MLF1: variants seen among roughly 807,000 people sequenced by gnomAD.
The protein encoded by MLF1 is myelodysplasia-myeloid leukemia factor 1.
A neutral mutation model predicts 38.3 loss-of-function variants in MLF1; 37 were observed. That is an observed-to-expected ratio of 0.96 (90% CI 0.74 to 1.27). MLF1 has a LOEUF of 1.27. Ranked by LOEUF, MLF1 falls within the 50% of genes most tolerant of loss-of-function variation. MLF1 has a pLI of 0.00. For missense variants in MLF1, 331 were observed against 349.2 expected, an observed-to-expected ratio of 0.95 and a Z score of 0.42; for synonymous variants, 95 against 106.5, an observed-to-expected ratio of 0.89 and a Z score of 0.66.
At chr3:158,587,639 AAT>A (rs1717433303) in intron 1 of MLF1, among the ~76,000 whole-genome samples, 1 of 152,230 alleles carries the variant, frequency 6.6e-6, no homozygotes, top group South Asian at 2.1e-4. Flanking sequence ...GAGACTTACT[AAT>A]TTGTTTCTAA....
At chr3:158,585,484 T>G (rs924157967) in intron 1 of MLF1, among the ~76,000 whole-genome samples, 1 of 152,212 alleles carries the variant, frequency 6.6e-6, no homozygotes, top group Non-Finnish European at 1.5e-5. Context: ...TTACCCAGCC[T>G]CAGGTATTCC....
At chr3:158,600,410 A>C (rs938308138) in intron 6 of MLF1, among the ~76,000 whole-genome samples, 3 of 129,434 alleles carry the variant, frequency 2.3e-5, no homozygotes, top group Non-Finnish European at 4.9e-5. Flanking sequence ...GGAAAGTGGA[A>C]TCTTTTGAAT....
intron 1 of MLF1, 92 bp from the exon 2 acceptor site, chr3:158,592,342 T>C: frequency 8.9e-7 from 1 of 1,117,406 alleles, no homozygotes; most frequent in Non-Finnish European, 1.2e-6. Flanking sequence ...ACAAACATAT[T>C]AGCCCAAAAT....
At chr3:158,584,726 C>A (rs1050349774) in intron 1 of MLF1, among the ~76,000 whole-genome samples, 1 of 150,706 alleles carries the variant, frequency 6.6e-6, no homozygotes, top group Admixed American at 6.6e-5. Flanking sequence ...TATACCCCCC[C>A]CTACCAATAG....
chr3:158,593,380 A>G lies in MLF1; in HGVS notation c.196-2A>G. The G allele has an allele frequency of 6.5e-7, 1 of 1,549,282 alleles. No homozygotes were observed. The highest frequency in any genetic ancestry group is 8.7e-7 in the Non-Finnish European group (1 of 1,153,090). On this transcript the variant is annotated splice_acceptor_variant, in intron 2 of 7. Transcript: ENST00000466246. LOFTEE classifies it high-confidence loss of function. ...CAAATGAATTGGATATTATTTTTCC[A>G]GGCAACGAGTTGTTCTCTTGTGCCT...
At chr3:158,577,577 T>G (rs1206358316) in intron 1 of MLF1, among the ~76,000 whole-genome samples, 1 of 152,332 alleles carries the variant, frequency 6.6e-6, no homozygotes, top group East Asian at 1.9e-4. Flanking sequence ...TATTTTAATA[T>G]ATAAATTTCT....
At position 158,605,725 on chromosome 3, in the gene MLF1, A is replaced by G. The variant is rs1720425805; in HGVS notation, c.*523A>G. ...AGCAAAACTACACTAGTACTCTTTT[A>G]TGAGAAAATAGTTACTATTTTGATA... is the stretch of plus-strand genomic sequence containing the variant. On this transcript the variant is annotated 3_prime_UTR_variant, in exon 8 of 8. Coordinates refer to ENST00000466246, the MANE Select transcript of MLF1 (RefSeq NM_001369783.1). The G allele has an allele frequency of 5.5e-6, 1 of 182,540 alleles. No individual in the cohort carries two copies. Among genetic ancestry groups the G allele is most frequent in the Admixed American group, 6.3e-5 (1 of 15,966 alleles). The allele number at this position is 182,540 out of a possible 1,614,324, so 11.3% of individuals were successfully genotyped here.
rs758915813 is a variant in MLF1 at position 158,574,505 on chromosome 3, T to TAAA, written c.47+3178_47+3180dup. On this transcript the variant is annotated intron_variant, in intron 1 of 7. Coordinates refer to ENST00000466246, the MANE Select transcript of MLF1 (RefSeq NM_001369783.1). ...CAACATGGTGAAACCCCATCTGTAC[T>TAAA]AAAAAAAAAAAAAAAAAAAAAATAC... is the stretch of plus-strand genomic sequence containing the variant. 3.3e-3 allele frequency among the ~76,000 whole-genome samples: 302 copies of TAAA among 91,358 alleles called. 4 individuals carry two copies. Among genetic ancestry groups the TAAA allele is most frequent in the African/African-American group, 9.3e-3 (163 of 17,436 alleles). The allele number at this position is 91,358 out of a possible 152,430, so 59.9% of individuals were successfully genotyped here. A position where few individuals can be genotyped will look rare whatever the true frequency, so the allele number is the denominator to read the frequency against.
In MLF1 at chr3:158,571,213, C is replaced by G. The variant is rs769049089; in HGVS notation, c.-88C>G. Reference sequence around the variant, plus strand: ...CGCGGCGAGTGAGGCGTCGTCCGTACTGGAGGCTAGCTCTTGTCGCGGCCG... The same window carrying G: ...CGCGGCGAGTGAGGCGTCGTCCGTAGTGGAGGCTAGCTCTTGTCGCGGCCG... On this transcript the variant is annotated 5_prime_UTR_variant, in exon 1 of 8. Coordinates refer to ENST00000466246, the MANE Select transcript of MLF1 (RefSeq NM_001369783.1). 3.6e-6 allele frequency: 4 copies of G among 1,097,834 alleles called. No homozygotes were observed. Among genetic ancestry groups the G allele is most frequent in the Admixed American group, 1.8e-5 (1 of 55,926 alleles). The allele number at this position is 1,097,834 out of a possible 1,614,324, so 68.0% of individuals were successfully genotyped here. A position where few individuals can be genotyped will look rare whatever the true frequency, so the allele number is the denominator to read the frequency against.
intron 1 of MLF1, chr3:158,590,834 A>C (rs1248729393): frequency 4.4e-6 from 2 of 449,484 alleles, no homozygotes; most frequent in African/African-American, 4.0e-5. Context: ...AAATTCATCA[A>C]ACTGTACAAC....
chr3:158,574,705 A>G (rs1345622745), intron 1 of MLF1, among the ~76,000 whole-genome samples: 3 of 150,984 alleles, frequency 2.0e-5, no homozygotes, highest in African/African-American at 7.3e-5. Context: ...AAAAAAAAGA[A>G]TATTTAGCCA....
At chr3:158,581,518 C>T (rs1276585340) in intron 1 of MLF1, among the ~76,000 whole-genome samples, 1 of 152,182 alleles carries the variant, frequency 6.6e-6, no homozygotes, top group East Asian at 1.9e-4. Context: ...AAGTTTACAA[C>T]CCAAGGCTAG....
In MLF1 at chr3:158,600,096, C is replaced by G. The variant is rs774497292; in HGVS notation, c.536C>G (p.Ala179Gly). ...MAIGHHIHDR[A>G]HVIKKSKNKK... is the part of the protein sequence containing the mutation. Reference sequence around the variant, plus strand: ...ATTGGTCATCATATCCATGACCGAGCTCATGTCATTAAAAAGTCAAAGAAC... The same window carrying G: ...ATTGGTCATCATATCCATGACCGAGGTCATGTCATTAAAAAGTCAAAGAAC... The change falls in exon 6 of 8, where the codon GCT (alanine) becomes GGT (glycine). Residue 179 changes from alanine to glycine, a missense_variant. By Grantham distance (60) the Ala-to-Gly change is moderately conservative. Transcript: ENST00000466246. 6.1e-6 allele frequency: 9 copies of G among 1,483,426 alleles called. No homozygotes were observed. The South Asian group carries it at 1.4e-4, about 22-fold the overall frequency. 91.9% of individuals were successfully genotyped at this position (1,483,426 alleles called of 1,614,324 possible).
rs567925710 is a variant in MLF1, at chr3:158,605,726, T to A, written c.*524T>A. 15 of 182,578 alleles carry A rather than the reference T, an allele frequency of 8.2e-5. No individual in the cohort carries two copies. Among genetic ancestry groups the A allele is most frequent in the Non-Finnish European group, 1.7e-4 (15 of 85,894 alleles). 11.3% of individuals were successfully genotyped at this position (182,578 alleles called of 1,614,324 possible). A position where few individuals can be genotyped will look rare whatever the true frequency, so the allele number is the denominator to read the frequency against. On this transcript the variant is annotated 3_prime_UTR_variant, in exon 8 of 8. Coordinates refer to ENST00000466246, the MANE Select transcript of MLF1 (RefSeq NM_001369783.1). The stretch of plus-strand genomic sequence containing the variant: ...GCAAAACTACACTAGTACTCTTTTA[T>A]GAGAAAATAGTTACTATTTTGATAA...
chr3:158,596,877 T>C lies in MLF1; in HGVS notation c.256T>C (p.Ser86Pro). 6.2e-7 allele frequency: 1 copy of C among 1,609,068 alleles called. No homozygotes were observed. Among genetic ancestry groups the C allele is most frequent in the Non-Finnish European group, 8.5e-7 (1 of 1,176,714 alleles). Residue 86 changes from serine (S) to proline (P), a missense_variant, in exon 4 of 8, where the codon TCT (serine) becomes CCT (proline). By Grantham distance (74) the Ser-to-Pro change is moderately conservative. Coordinates refer to ENST00000466246, the MANE Select transcript of MLF1 (RefSeq NM_001369783.1). ...DFGGMHTDVS[S>P]FQTMDQMVSN... ...TATTCTGTAGCATACAGATGTCAGC[T>C]CTTTCCAGACAATGGACCAAATGGT...
In MLF1 at chr3:158,596,869, A is replaced by G; in HGVS notation, c.248A>G (p.Asp83Gly). Reference protein sequence around the residue: ...PFGDFGGMHTDVSSFQTMDQM... With the variant: ...PFGDFGGMHTGVSSFQTMDQM... ...CTTCCTGATATTCTGTAGCATACAGATGTCAGCTCTTTCCAGACAATGGAC... is the reference window on the plus strand; with the variant it reads ...CTTCCTGATATTCTGTAGCATACAGGTGTCAGCTCTTTCCAGACAATGGAC... The change falls in exon 4 of 8, where the codon GAT becomes GGT. Residue 83 changes from aspartate (D) to glycine (G), a missense_variant. Physicochemically the swap from Asp to Gly is moderately conservative, Grantham distance 94. Transcript: ENST00000466246. The G allele has an allele frequency of 1.9e-6, 3 of 1,605,798 alleles. No homozygotes were observed. Among genetic ancestry groups the G allele is most frequent in the Non-Finnish European group, 2.6e-6 (3 of 1,174,022 alleles).
chr3:158,600,886 A>G (rs1258555610), intron 6 of MLF1, among the ~76,000 whole-genome samples: 3 of 151,790 alleles, frequency 2.0e-5, no homozygotes, highest in South Asian at 2.1e-4. Flanking sequence ...TCTTCAATGC[A>G]TTTACATCCT....
At chr3:158,588,373 A>G (rs1246352760) in intron 1 of MLF1, among the ~76,000 whole-genome samples, 2 of 152,176 alleles carry the variant, frequency 1.3e-5, no homozygotes, top group African/African-American at 4.8e-5. Context: ...TAACTAATAC[A>G]TGTTATGTCA....
At chr3:158,589,305 G>A (rs774481524) in intron 1 of MLF1, among the ~76,000 whole-genome samples, 8 of 151,882 alleles carry the variant, frequency 5.3e-5, no homozygotes, top group Non-Finnish European at 7.4e-5. Context: ...TCCACTTCCC[G>A]GGTTTAAGTG....
Sources: gnomAD v4.1 joint callset for allele counts (sites outside exome capture counted in the v4.1 genomes callset) on GRCh38, gnomAD v4.1.1 for gene constraint, MANE v1.5 for transcripts, NCBI Gene and HGNC (gene_info 2026-07-23, HGNC 2026-07-21) for gene names.